SIPA1L2: variants seen among roughly 807,000 people sequenced by gnomAD.
SIPA1L2 encodes signal-induced proliferation-associated 1-like protein 2.
In SIPA1L2, 56 loss-of-function variants were observed where a neutral mutation model predicts 163.9. That is an observed-to-expected ratio of 0.34 (90% confidence interval 0.28 to 0.43). SIPA1L2 has a LOEUF of 0.43. Among genes scored for constraint, SIPA1L2 ranks in the 20% least tolerant of loss-of-function variants. SIPA1L2 has a pLI of 1.00. For synonymous variants in SIPA1L2, 877 were observed against 865.7 expected, an observed-to-expected ratio of 1.01 and a Z score of -0.23; for missense variants, 1,974 against 2,193.5, an observed-to-expected ratio of 0.90 and a Z score of 2.00.
At chr1:232,459,777 T>G (rs964163913) in intron 10 of SIPA1L2, among the ~76,000 whole-genome samples, 1 of 152,188 alleles carries the variant, frequency 6.6e-6, no homozygotes, top group Admixed American at 6.5e-5. Flanking sequence ...CCTCCCAAAG[T>G]GCTGGGATTA....
At chr1:232,628,462 T>A (rs1663196510) in intron 1 of SIPA1L2, among the ~76,000 whole-genome samples, 1 of 152,214 alleles carries the variant, frequency 6.6e-6, no homozygotes, top group Non-Finnish European at 1.5e-5. Context: ...CTGGAAATAT[T>A]GTCTAAACAG....
chr1:232,487,106 A>G (rs567752389), intron 5 of SIPA1L2, among the ~76,000 whole-genome samples: 12 of 152,212 alleles, frequency 7.9e-5, no homozygotes, highest in Non-Finnish European at 1.2e-4. Flanking sequence ...AAAATTCCCT[A>G]TGGCTTCAGT....
intron 18 of SIPA1L2, among the ~76,000 whole-genome samples, chr1:232,419,921 C>G (rs958178594): frequency 1.3e-5 from 2 of 152,172 alleles, no homozygotes; most frequent in Non-Finnish European, 2.9e-5. Context: ...ACATCAGAAC[C>G]TAGGGAGAGA....
intron 2 of SIPA1L2, among the ~76,000 whole-genome samples, chr1:232,534,477 G>A (rs1333490498): frequency 1.3e-5 from 2 of 152,152 alleles, no homozygotes; most frequent in African/African-American, 4.8e-5. Context: ...ATATAGATTT[G>A]GCAATGATTG....
rs998940602 is a variant in SIPA1L2, at chr1:232,542,027, C to T, written c.-269-26419G>A. ...CAGTATTTTTATTCCTGTTTTTGTA[C>T]AAGATTACATCTGATACATAAAAGT... On this transcript the variant is annotated intron_variant, in intron 2 of 22. Transcript: ENST00000674635. Among the ~76,000 whole-genome samples the T allele has an allele frequency of 5.9e-5, 9 of 151,982 alleles. 1 individual carries two copies. Among genetic ancestry groups the T allele is most frequent in the South Asian group, 4.1e-4 (2 of 4,820 alleles).
At position 232,462,107 on chromosome 1, in the gene SIPA1L2, C is replaced by A; in HGVS notation, c.2821-946G>T. 3 of 1,007,912 alleles carry A rather than the reference C, an allele frequency of 3.0e-6. No homozygotes were observed. In the South Asian group the frequency reaches 4.1e-5, roughly 14 times the overall value. 62.4% of individuals were successfully genotyped at this position (1,007,912 alleles called of 1,614,324 possible). On this transcript the variant is annotated intron_variant, in intron 9 of 22. Transcript: ENST00000674635. ...TGAGAGAGAGTCAACAGCAGTTCCA[C>A]AAAAAGGAACATGAAAGAAGAATGG... is the stretch of plus-strand genomic sequence containing the variant.
chr1:232,510,233 T>TAG (rs1211140300), intron 3 of SIPA1L2, among the ~76,000 whole-genome samples: 1 of 150,964 alleles, frequency 6.6e-6, no homozygotes, highest in Non-Finnish European at 1.5e-5. Context: ...AATATGAAAA[T>TAG]ATATATATAT....
At position 232,465,550 on chromosome 1, in the gene SIPA1L2, A is replaced by ACG. The variant is rs1664469828; in HGVS notation, c.2244-135_2244-134insCG. On this transcript the variant is annotated intron_variant, in intron 8 of 22. Coordinates refer to ENST00000674635, the MANE Select transcript of SIPA1L2 (RefSeq NM_020808.5). The surrounding 1 kb of genome is among the most constrained non-coding windows in gnomAD (Gnocchi z 4.1). ...CACACACACATATACATACACACAT[A>ACG]CACACACACTTTCAACTTAACTGGT... 1.4e-6 allele frequency: 1 copy of ACG among 713,118 alleles called. No homozygotes were observed. Among genetic ancestry groups the ACG allele is most frequent in the South Asian group, 2.1e-5 (1 of 46,772 alleles). The allele number at this position is 713,118 out of a possible 1,614,324, so 44.2% of individuals were successfully genotyped here.
intron 10 of SIPA1L2, among the ~76,000 whole-genome samples, chr1:232,457,708 T>C (rs1334532209): frequency 6.6e-6 from 1 of 152,236 alleles, no homozygotes; most frequent in African/African-American, 2.4e-5. Flanking sequence ...AGTGAAGTGC[T>C]ACCCATTTCC....
intron 1 of SIPA1L2, among the ~76,000 whole-genome samples, chr1:232,621,524 C>T (rs1439549416): frequency 6.6e-6 from 1 of 152,116 alleles, no homozygotes; most frequent in Non-Finnish European, 1.5e-5. Flanking sequence ...CAGAAAACCA[C>T]ACTTTCATTA....
At chr1:232,583,087 C>T (rs950366127) in intron 1 of SIPA1L2, among the ~76,000 whole-genome samples, 10 of 152,194 alleles carry the variant, frequency 6.6e-5, no homozygotes, top group African/African-American at 2.4e-4. Context: ...TGTTCTCACA[C>T]TCAAATAGTT....
intron 1 of SIPA1L2, among the ~76,000 whole-genome samples, chr1:232,627,507 T>A (rs1663141872): frequency 6.6e-6 from 1 of 151,244 alleles, no homozygotes; most frequent in Admixed American, 6.6e-5. Context: ...CAAAACACCA[T>A]CCCAGTCTTG....
intron 10 of SIPA1L2, among the ~76,000 whole-genome samples, chr1:232,457,720 C>G (rs959166387): frequency 1.3e-5 from 2 of 152,206 alleles, no homozygotes; most frequent in Non-Finnish European, 2.9e-5. Context: ...CCCATTTCCC[C>G]TTAGCCCCTC....
chr1:232,624,780 T>C (rs1177009867), intron 1 of SIPA1L2, among the ~76,000 whole-genome samples: 2 of 152,210 alleles, frequency 1.3e-5, no homozygotes, highest in East Asian at 3.8e-4. Flanking sequence ...AAATGTTTAT[T>C]AGTAAAATAG....
chr1:232,493,441 A>C, intron 4 of SIPA1L2, 86 bp downstream of exon 4: 1 of 1,489,086 alleles, frequency 6.7e-7, no homozygotes, highest in Non-Finnish European at 9.1e-7. Flanking sequence ...AAATAAATTC[A>C]GTACCCTATC....
chr1:232,623,592 T>C (rs911806595), intron 1 of SIPA1L2, among the ~76,000 whole-genome samples: 2 of 151,860 alleles, frequency 1.3e-5, no homozygotes, highest in African/African-American at 4.8e-5. Context: ...TGGGTGACAG[T>C]GCGAGACTCT....
chr1:232,603,762 T>A (rs1323389748), intron 1 of SIPA1L2, among the ~76,000 whole-genome samples: 2 of 151,938 alleles, frequency 1.3e-5, no homozygotes, highest in South Asian at 2.1e-4. Context: ...GACCATTAGA[T>A]CCACATGGGG....
At chr1:232,509,832 G>A (rs1453889305) in intron 3 of SIPA1L2, among the ~76,000 whole-genome samples, 4 of 152,338 alleles carry the variant, frequency 2.6e-5, no homozygotes, top group African/African-American at 4.8e-5. Context: ...AATATAGGAG[G>A]AGGCAGGACA....
chr1:232,444,484 T>C (rs2102870384), intron 11 of SIPA1L2, among the ~76,000 whole-genome samples: 1 of 152,292 alleles, frequency 6.6e-6, no homozygotes, highest in South Asian at 2.1e-4. Flanking sequence ...AGAGCCAAGA[T>C]GATTGAATGT....
Sources: allele counts gnomAD v4.1 joint callset (sites outside exome capture counted in the v4.1 genomes callset), GRCh38; gene constraint gnomAD v4.1.1; non-coding constraint Gnocchi (gnomAD v3.1); transcripts MANE v1.5; gene names NCBI Gene and HGNC (gene_info 2026-07-23, HGNC 2026-07-21).